Variants in PHF20L1 observed in about 807,000 individuals in gnomAD.
PHF20L1 encodes PHD finger protein 20-like protein 1.
In PHF20L1, 44 loss-of-function variants were observed where a neutral mutation model predicts 125.5. The ratio of observed to expected loss-of-function variants is 0.35; its 90% CI spans 0.28 to 0.45. The LOEUF is 0.45. PHF20L1 is among the 20% of genes least tolerant of loss of function. PHF20L1 has a pLI of 1.00. For missense variants in PHF20L1, 1,012 were observed against 1,217.2 expected, an observed-to-expected ratio of 0.83 and a Z score of 2.51; for synonymous variants, 380 against 403.1, an observed-to-expected ratio of 0.94 and a Z score of 0.69.
At position 132,846,311 on chromosome 8, in the gene PHF20L1, A is replaced by G. The variant is rs897345859; in HGVS notation, c.*388A>G. The G allele has an allele frequency of 6.5e-6, 1 of 154,934 alleles. No homozygotes were observed. Among genetic ancestry groups the G allele is most frequent in the Non-Finnish European group, 1.4e-5 (1 of 69,656 alleles). 9.6% of individuals were successfully genotyped at this position (154,934 alleles called of 1,614,324 possible). A position where few individuals can be genotyped will look rare whatever the true frequency, so the allele number is the denominator to read the frequency against. On this transcript the variant is annotated 3_prime_UTR_variant, in exon 21 of 21. Transcript: ENST00000395386. Reference sequence around the variant, plus strand: ...GAAAGATCTATGTTTATAAACCAGCACTTGGCCAAAAACAAAATTGTAAAG... The same window carrying G: ...GAAAGATCTATGTTTATAAACCAGCGCTTGGCCAAAAACAAAATTGTAAAG...
In PHF20L1 at chr8:132,804,020, A is replaced by G. The variant is rs773619909; in HGVS notation, c.709A>G (p.Ser237Gly). Reference protein sequence around the residue: ...VEKKEDLPTSSETFGLHVENV... With the variant: ...VEKKEDLPTSGETFGLHVENV... ...GAAGAAGGAAGATCTGCCTACATCT[A>G]GTGAAACATTTGGTACAAAATACAT... Residue 237 changes from serine to glycine, a missense_variant, in exon 7 of 21, where the codon AGT becomes GGT. Ser to Gly is a moderately conservative substitution (Grantham distance 56). This residue lies in a region of PHF20L1 where 134 missense variants were observed against 145.9 expected (regional missense o/e 0.92). Coordinates refer to ENST00000395386, the MANE Select transcript of PHF20L1 (RefSeq NM_016018.5). 1.2e-6 allele frequency: 2 copies of G among 1,603,622 alleles called. No individual in the cohort carries two copies. Among genetic ancestry groups the G allele is most frequent in the Admixed American group, 1.7e-5 (1 of 59,850 alleles).
chr8:132,796,407 C>G (rs951188974), intron 4 of PHF20L1, among the ~76,000 whole-genome samples: 1 of 151,736 alleles, frequency 6.6e-6, no homozygotes, highest in Non-Finnish European at 1.5e-5. Context: ...AATCTAACAA[C>G]AAACTTGAGA....
intron 2 of PHF20L1, among the ~76,000 whole-genome samples, chr8:132,793,203 C>G (rs917872541): frequency 5.3e-5 from 8 of 151,660 alleles, no homozygotes; most frequent in African/African-American, 1.9e-4. Flanking sequence ...AGGGCTCGGA[C>G]GGAAAGAATA....
chr8:132,811,376 C>T, intron 9 of PHF20L1: 7 of 1,183,366 alleles, frequency 5.9e-6, no homozygotes, highest in Admixed American at 8.1e-5. Context: ...AGACAGGCAT[C>T]CCAGGGTATA....
At chr8:132,784,877 G>T (rs1314097996) in intron 2 of PHF20L1, among the ~76,000 whole-genome samples, 13 of 152,126 alleles carry the variant, frequency 8.5e-5, no homozygotes, top group Admixed American at 8.5e-4. Flanking sequence ...TGAAAGTCTG[G>T]CAAGCCTATG....
At chr8:132,825,133 A>C (rs946451114) in intron 13 of PHF20L1, 131 bp from the exon 14 acceptor site, 1 of 1,547,670 alleles carries the variant, frequency 6.5e-7, no homozygotes, top group Non-Finnish European at 8.8e-7. Context: ...TGAACAGTTT[A>C]ATTGAACCCA....
intron 8 of PHF20L1, chr8:132,809,744 G>T (rs1003189496): frequency 2.6e-5 from 4 of 152,140 alleles, no homozygotes; most frequent in African/African-American, 9.6e-5. Flanking sequence ...ACACAAAAAT[G>T]ATTTTTGGTG....
intron 9 of PHF20L1, chr8:132,812,868 G>A (rs1834552903): frequency 1.0e-6 from 1 of 981,206 alleles, no homozygotes; most frequent in Non-Finnish European, 1.2e-6. Context: ...AAAACTTACT[G>A]TGCTAATGGA....
chr8:132,807,922 T>C, intron 8 of PHF20L1: 1 of 301,592 alleles, frequency 3.3e-6, no homozygotes, highest in South Asian at 2.9e-5. Context: ...TAGTAATACA[T>C]AGGTAATTAA....
intron 2 of PHF20L1, among the ~76,000 whole-genome samples, chr8:132,789,608 T>G (rs1831443639): frequency 6.6e-6 from 1 of 152,092 alleles, no homozygotes; most frequent in Non-Finnish European, 1.5e-5. Flanking sequence ...CATTTTAGAG[T>G]GAATTATTTT....
chr8:132,843,000 A>G, intron 19 of PHF20L1, 125 bp downstream of exon 19: 1 of 1,423,716 alleles, frequency 7.0e-7, no homozygotes. Context: ...GTACCTTGTT[A>G]AAGTAAGGAG....
chr8:132,847,242 CTA>C lies in PHF20L1; in HGVS notation c.*1322_*1323del, dbSNP rs1301525972. 9.2e-5 allele frequency: 14 copies of C among 152,472 alleles called. No homozygotes were observed. The highest frequency in any genetic ancestry group is 3.4e-4 in the African/African-American group (14 of 41,414). 9.4% of individuals were successfully genotyped at this position (152,472 alleles called of 1,614,324 possible). On this transcript the variant is annotated 3_prime_UTR_variant, in exon 21 of 21. Coordinates refer to ENST00000395386, the MANE Select transcript of PHF20L1 (RefSeq NM_016018.5). Reference sequence around the variant, plus strand: ...ACATATCTAGTTTTATTACTATAGACTATACGAATTGGTGGTTAACATGAAAT... The same window carrying C: ...ACATATCTAGTTTTATTACTATAGACTACGAATTGGTGGTTAACATGAAAT...
In PHF20L1 at chr8:132,824,594, G is replaced by C. The variant is rs553960832; in HGVS notation, c.1636+534G>C. 1.9e-4 allele frequency: 30 copies of C among 159,630 alleles called. No homozygotes were observed. In the South Asian group the frequency reaches 3.3e-3, roughly 17 times the overall value. The allele number at this position is 159,630 out of a possible 1,614,324, so 9.9% of individuals were successfully genotyped here. A position where few individuals can be genotyped will look rare whatever the true frequency, so the allele number is the denominator to read the frequency against. On this transcript the variant is annotated intron_variant, in intron 13 of 20. Transcript: ENST00000395386. ...GATAAATTATAGGCTAAACCATTGT[G>C]AGTTGGAGCAATAGCTAGTAGGATA...
intron 15 of PHF20L1, among the ~76,000 whole-genome samples, chr8:132,832,845 T>C (rs1006029308): frequency 1.3e-5 from 2 of 152,096 alleles, no homozygotes; most frequent in African/African-American, 4.8e-5. Context: ...AAAGTATACT[T>C]TGAATTCCTG....
At chr8:132,790,372 G>A (rs924171684) in intron 2 of PHF20L1, among the ~76,000 whole-genome samples, 2 of 152,106 alleles carry the variant, frequency 1.3e-5, no homozygotes, top group Non-Finnish European at 2.9e-5. Flanking sequence ...TGCATTTCAC[G>A]GGTATTGCAA....
In PHF20L1 at chr8:132,817,534, C is replaced by T; in HGVS notation, c.1568C>T (p.Pro523Leu). 1.9e-6 allele frequency: 3 copies of T among 1,608,830 alleles called. No homozygotes were observed. Among genetic ancestry groups the T allele is most frequent in the Non-Finnish European group, 2.5e-6 (3 of 1,177,118 alleles). Residue 523 changes from proline to leucine, a missense_variant, in exon 12 of 21, where the codon CCA becomes CTA. Pro to Leu is a moderately conservative substitution (Grantham distance 98). Coordinates refer to ENST00000395386, the MANE Select transcript of PHF20L1 (RefSeq NM_016018.5). The part of the protein sequence containing the change: ...SKAIADGRGA[P>L]AAAGISKTEK... ...GCAATAGCTGATGGAAGAGGAGCTC[C>T]AGCAGCAGCAGGTAAAAGAAAAAAA... is the stretch of plus-strand genomic sequence containing the variant.
intron 8 of PHF20L1, among the ~76,000 whole-genome samples, chr8:132,805,918 T>C (rs1034372785): frequency 2.6e-5 from 4 of 152,016 alleles, no homozygotes; most frequent in African/African-American, 9.7e-5. Flanking sequence ...GTTACACCTT[T>C]TCCTTGTAAA....
intron 6 of PHF20L1, among the ~76,000 whole-genome samples, chr8:132,802,749 A>C (rs895302346): frequency 6.6e-6 from 1 of 151,840 alleles, no homozygotes; most frequent in Non-Finnish European, 1.5e-5. Context: ...ATATATTTTT[A>C]AGGCAGTGTT....
chr8:132,826,111 T>C (rs2131793673), intron 14 of PHF20L1: 1 of 152,200 alleles, frequency 6.6e-6, no homozygotes, highest in East Asian at 1.9e-4. Flanking sequence ...TTCTTACTTA[T>C]GGACATAGTT....
Sources: allele counts gnomAD v4.1 joint callset (sites outside exome capture counted in the v4.1 genomes callset), GRCh38; gene constraint gnomAD v4.1.1; regional missense constraint gnomAD v4.1.1; transcripts MANE v1.5; gene names NCBI Gene and HGNC (gene_info 2026-07-23, HGNC 2026-07-21).